Variants in INPP4B observed in about 807,000 individuals in gnomAD.
The protein encoded by INPP4B is inositol polyphosphate-4-phosphatase type II B.
A neutral mutation model predicts 122.5 loss-of-function variants in INPP4B; 55 were observed. That is an observed-to-expected ratio of 0.45 (90% CI 0.36 to 0.56). The LOEUF is 0.56. INPP4B is among the 20% of genes least tolerant of loss of function. INPP4B has a pLI of 0.00. For missense variants in INPP4B, 1,000 were observed against 1,097.7 expected (o/e 0.91, Z 1.26); for synonymous variants, 403 against 388.7 (o/e 1.04, Z -0.43).
chr4:142,449,467 G>T (rs138408179), intron 3 of INPP4B, among the ~76,000 whole-genome samples: 2 of 152,174 alleles, frequency 1.3e-5, no homozygotes, highest in African/African-American at 2.4e-5. Flanking sequence ...ACTTTGGGAG[G>T]TTGAGGCGGG....
At chr4:142,146,034 C>A in intron 17 of INPP4B, 38 bp from the exon 18 acceptor site, 1 of 1,579,312 alleles carries the variant, frequency 6.3e-7, no homozygotes, top group Non-Finnish European at 8.6e-7. Context: ...ATTTTTGTCA[C>A]AAAAACAAGA....
At chr4:142,578,579 C>CT (rs1449147113) in intron 2 of INPP4B, among the ~76,000 whole-genome samples, 1 of 151,868 alleles carries the variant, frequency 6.6e-6, no homozygotes, top group Non-Finnish European at 1.5e-5. Flanking sequence ...CCTGGTCTCT[C>CT]TTTGTGTGTT....
intron 3 of INPP4B, among the ~76,000 whole-genome samples, chr4:142,442,596 A>G (rs1812061573): frequency 6.6e-6 from 1 of 152,166 alleles, no homozygotes; most frequent in South Asian, 2.1e-4. Flanking sequence ...CAAAGATATA[A>G]AAGAATGACT....
intron 2 of INPP4B, among the ~76,000 whole-genome samples, chr4:142,513,228 C>T (rs930825337): frequency 3.3e-5 from 5 of 152,122 alleles, no homozygotes; most frequent in Non-Finnish European, 5.9e-5. Context: ...ATTCAGGCTG[C>T]TTTACCAGAA....
At chr4:142,030,605 C>CAT (rs1739271007) in intron 25 of INPP4B, among the ~76,000 whole-genome samples, 1 of 152,006 alleles carries the variant, frequency 6.6e-6, no homozygotes, top group South Asian at 2.1e-4. Context: ...ATCAAATAAG[C>CAT]ATAACAGCAC....
intron 3 of INPP4B, among the ~76,000 whole-genome samples, chr4:142,452,240 C>T (rs1213886124): frequency 1.3e-5 from 2 of 152,072 alleles, no homozygotes; most frequent in Non-Finnish European, 1.5e-5. Context: ...AACTCATCGA[C>T]GAGGCACCCT....
At chr4:142,406,964 C>G (rs1234097762) in intron 5 of INPP4B, among the ~76,000 whole-genome samples, 5 of 152,174 alleles carry the variant, frequency 3.3e-5, no homozygotes, top group Non-Finnish European at 4.4e-5. Context: ...GACCTGCCCT[C>G]CTGCACAATG....
intron 23 of INPP4B, among the ~76,000 whole-genome samples, chr4:142,104,564 T>C (rs1786051672): frequency 6.6e-6 from 1 of 152,146 alleles, no homozygotes; most frequent in Non-Finnish European, 1.5e-5. Flanking sequence ...GCAGAACAAC[T>C]GTCTGAGAGC....
At chr4:142,778,213 T>C (rs370916499) in intron 1 of INPP4B, among the ~76,000 whole-genome samples, 2 of 152,144 alleles carry the variant, frequency 1.3e-5, no homozygotes, top group African/African-American at 4.8e-5. Context: ...GACCTAGCAA[T>C]AGGTATTCAA....
At chr4:142,128,474 A>C (rs774464689) in intron 18 of INPP4B, among the ~76,000 whole-genome samples, 1 of 152,060 alleles carries the variant, frequency 6.6e-6, no homozygotes, top group African/African-American at 2.4e-5. Context: ...GCCCTGAGCC[A>C]ACTAGCCTCG....
intron 15 of INPP4B, among the ~76,000 whole-genome samples, chr4:142,176,878 T>C (rs1444576176): frequency 6.6e-6 from 1 of 152,164 alleles, no homozygotes; most frequent in Non-Finnish European, 1.5e-5. Flanking sequence ...AGTTCCTTCT[T>C]AAGGTATTCA....
intron 7 of INPP4B, among the ~76,000 whole-genome samples, chr4:142,382,370 A>T (rs930228863): frequency 6.6e-6 from 1 of 151,664 alleles, no homozygotes. Context: ...CTAGCTGGGC[A>T]TGGTGGCAGG....
chr4:142,548,933 A>G (rs1347346944), intron 2 of INPP4B, among the ~76,000 whole-genome samples: 1 of 152,134 alleles, frequency 6.6e-6, no homozygotes, highest in African/African-American at 2.4e-5. Context: ...ACTGTGCTAT[A>G]ATAAAATTAT....
chr4:142,495,872 G>T (rs143735012), intron 2 of INPP4B, among the ~76,000 whole-genome samples: 82 of 152,244 alleles, frequency 5.4e-4, no homozygotes, highest in African/African-American at 1.8e-3. Context: ...CTTTCTCCCA[G>T]GAGTGATGCT....
chr4:142,518,665 G>A (rs1825711863), intron 2 of INPP4B: 1 of 152,088 alleles, frequency 6.6e-6, no homozygotes, highest in South Asian at 2.1e-4. Flanking sequence ...AAAACTCACT[G>A]TTGCTTCTAC....
At chr4:142,536,454 T>C (rs1560770426) in intron 2 of INPP4B, among the ~76,000 whole-genome samples, 1 of 152,068 alleles carries the variant, frequency 6.6e-6, no homozygotes, top group Non-Finnish European at 1.5e-5. Context: ...CACCTGAAAA[T>C]CAACAAAAGG....
At chr4:142,745,195 G>T (rs1029186746) in intron 1 of INPP4B, among the ~76,000 whole-genome samples, 3 of 151,542 alleles carry the variant, frequency 2.0e-5, no homozygotes, top group African/African-American at 4.8e-5. Flanking sequence ...AGCCAATAAA[G>T]TAAATAAAAT....
chr4:142,122,067 G>T, intron 21 of INPP4B, 61 bp downstream of exon 21: 1 of 1,012,758 alleles, frequency 9.9e-7, no homozygotes, highest in South Asian at 1.4e-5. Flanking sequence ...TGCCTCCTCT[G>T]ACAGGAGTTA....
intron 7 of INPP4B, among the ~76,000 whole-genome samples, chr4:142,372,214 T>C (rs1330752660): frequency 6.6e-6 from 1 of 152,058 alleles, no homozygotes; most frequent in East Asian, 1.9e-4. Flanking sequence ...CTCACTCCTA[T>C]ATGGGTGATA....
Sources: allele counts gnomAD v4.1 joint callset (sites outside exome capture counted in the v4.1 genomes callset), GRCh38; gene constraint gnomAD v4.1.1; transcripts MANE v1.5; gene names NCBI Gene and HGNC (gene_info 2026-07-23, HGNC 2026-07-21).